Variants in DACH1 observed in about 807,000 individuals in gnomAD.
DACH1 encodes dachshund family transcription factor 1, also known as dachshund homolog 1.
A neutral mutation model predicts 54.2 loss-of-function variants in DACH1; 12 were observed. The observed-to-expected ratio is 0.22, with a 90% CI of 0.14 to 0.36. DACH1 has a LOEUF of 0.36. Among genes scored for constraint, DACH1 ranks in the 10% least tolerant of loss-of-function variants. The pLI, the probability that DACH1 is intolerant of heterozygous loss-of-function variation, is 1.00. For synonymous variants in DACH1, 386 were observed against 366.2 expected (o/e 1.05, Z -0.62); for missense variants, 805 against 929.8 (o/e 0.87, Z 1.75).
rs866669401 is a variant in DACH1 at position 71,693,469 on chromosome 13, A to T, written c.849-11559T>A. Among the ~76,000 whole-genome samples the T allele has an allele frequency of 7.7e-3, 918 of 119,370 alleles. 15 individuals are homozygous for T. The highest frequency in any genetic ancestry group is 0.03 in the African/African-American group (844 of 28,582). The allele number at this position is 119,370 out of a possible 152,430, so 78.3% of individuals were successfully genotyped here. A position where few individuals can be genotyped will look rare whatever the true frequency, so the allele number is the denominator to read the frequency against. On this transcript the variant is annotated intron_variant, in intron 1 of 10. Coordinates refer to ENST00000613252, the MANE Select transcript of DACH1 (RefSeq NM_080759.6). ...AGGTGCTCACCACCACGCCCGGCAAATTTTTTTTTTTTTTTTTTTTTTGTA... is the reference window on the plus strand; with the variant it reads ...AGGTGCTCACCACCACGCCCGGCAATTTTTTTTTTTTTTTTTTTTTTTGTA...
chr13:71,577,842 A>T (rs1409130687), intron 3 of DACH1, among the ~76,000 whole-genome samples: 1 of 152,182 alleles, frequency 6.6e-6, no homozygotes, highest in Admixed American at 6.5e-5. Flanking sequence ...TCTACTAAAA[A>T]CACAATAACA....
intron 3 of DACH1, among the ~76,000 whole-genome samples, chr13:71,605,322 A>C (rs1032190553): frequency 6.6e-6 from 1 of 151,836 alleles, no homozygotes; most frequent in African/African-American, 2.4e-5. Flanking sequence ...CGATACAACT[A>C]ATGTATTGTA....
At chr13:71,674,469 A>T (rs1880421838) in intron 2 of DACH1, among the ~76,000 whole-genome samples, 1 of 151,598 alleles carries the variant, frequency 6.6e-6, no homozygotes, top group Non-Finnish European at 1.5e-5. Context: ...ACACACACAC[A>T]CACACACACA....
At chr13:71,772,725 A>T (rs1885910189) in intron 1 of DACH1, among the ~76,000 whole-genome samples, 1 of 151,766 alleles carries the variant, frequency 6.6e-6, no homozygotes, top group Non-Finnish European at 1.5e-5. Context: ...AAGTTACAAT[A>T]TTCCTTTGTC....
intron 3 of DACH1, among the ~76,000 whole-genome samples, chr13:71,585,192 C>A (rs1026489330): frequency 1.3e-5 from 2 of 150,190 alleles, no homozygotes; most frequent in African/African-American, 4.9e-5. Flanking sequence ...ATTAAAACTA[C>A]AGGGAGGTTG....
intron 3 of DACH1, among the ~76,000 whole-genome samples, chr13:71,574,341 T>C (rs955723417): frequency 6.6e-6 from 1 of 152,140 alleles, no homozygotes; most frequent in Non-Finnish European, 1.5e-5. Context: ...ACTGAATCTG[T>C]TGAAAATACA....
At chr13:71,847,103 G>A (rs968864375) in intron 1 of DACH1, among the ~76,000 whole-genome samples, 3 of 151,952 alleles carry the variant, frequency 2.0e-5, no homozygotes, top group African/African-American at 7.2e-5. Context: ...AATCATATGA[G>A]TATATACATA....
In DACH1 at chr13:71,630,711, G is replaced by A. The variant is rs1877033759; in HGVS notation, c.971C>T (p.Thr324Ile). Residue 324 changes from threonine (T) to isoleucine (I), a missense_variant, in exon 3 of 11, where the codon ACA becomes ATA. Physicochemically the swap from Thr to Ile is moderately conservative, Grantham distance 89. Transcript: ENST00000613252. Reference sequence around the variant, plus strand: ...AGCAGCAGCTGCTGCAGCGGCTGCTGTCAGACCTTAAAAGAATAAATTAAA... The same window carrying A: ...AGCAGCAGCTGCTGCAGCGGCTGCTATCAGACCTTAAAAGAATAAATTAAA... The part of the protein sequence containing the change: ...SPGIIPPTGL[T>I]AAAAAAAAAT... The A allele has an allele frequency of 6.3e-7, 1 of 1,575,564 alleles. No homozygotes were observed. Among genetic ancestry groups the A allele is most frequent in the Non-Finnish European group, 8.6e-7 (1 of 1,169,480 alleles).
intron 7 of DACH1, among the ~76,000 whole-genome samples, chr13:71,484,605 CCTAA>C (rs1365342527): frequency 1.3e-5 from 2 of 152,190 alleles, no homozygotes; most frequent in East Asian, 3.8e-4. Context: ...TAACCTCACT[CCTAA>C]CTAAATTTTA....
intron 2 of DACH1, among the ~76,000 whole-genome samples, chr13:71,647,456 T>A (rs142480911): frequency 1.3e-5 from 2 of 152,316 alleles, no homozygotes; most frequent in African/African-American, 4.8e-5. Flanking sequence ...TATTAAAAAG[T>A]TAGCTACAGC....
chr13:71,809,074 T>A lies in DACH1; in HGVS notation c.848+56848A>T, dbSNP rs1278906560. Among the ~76,000 whole-genome samples, 3 of 152,210 alleles carry A rather than the reference T, an allele frequency of 2.0e-5. No individual in the cohort carries two copies. The East Asian group carries it at 5.8e-4, about 29-fold the overall frequency. ...AATAGGGGAGGAATAAAATGGATGATTGTTACATTTTTAATAAAGTTTTGT... is the reference window on the plus strand; with the variant it reads ...AATAGGGGAGGAATAAAATGGATGAATGTTACATTTTTAATAAAGTTTTGT... On this transcript the variant is annotated intron_variant, in intron 1 of 10. Coordinates refer to ENST00000613252, the MANE Select transcript of DACH1 (RefSeq NM_080759.6).
At chr13:71,545,770 T>C (rs996577838) in intron 6 of DACH1, among the ~76,000 whole-genome samples, 3 of 152,090 alleles carry the variant, frequency 2.0e-5, no homozygotes, top group African/African-American at 7.2e-5. Context: ...GTTTGAAATA[T>C]ATAGCCATCA....
At chr13:71,573,301 C>T in intron 3 of DACH1, 1 of 626,126 alleles carries the variant, frequency 1.6e-6, no homozygotes, top group Non-Finnish European at 2.8e-6. Context: ...TTTTCTTTAA[C>T]TTATCCCAAT....
chr13:71,630,444 C>T, intron 3 of DACH1, 112 bp downstream of exon 3: 1 of 1,431,522 alleles, frequency 7.0e-7, no homozygotes, highest in Non-Finnish European at 9.1e-7. Context: ...TGTTTTCAAG[C>T]TAAAAGTGCC....
At chr13:71,464,441 C>T (rs1876372257) in intron 10 of DACH1, 1 of 283,414 alleles carries the variant, frequency 3.5e-6, no homozygotes, top group East Asian at 9.9e-5. Context: ...ATTATAAAAA[C>T]ATTTAAAACA....
intron 1 of DACH1, among the ~76,000 whole-genome samples, chr13:71,779,171 ATATATACACATATATACGTATATACG>A (rs1210512594): frequency 1.6e-5 from 2 of 124,628 alleles, no homozygotes; most frequent in African/African-American, 3.1e-5. Context: ...ATATACGTAT[ATATATACACATATATACGTATATACG>A]TATATATGTG....
chr13:71,563,237 A>G (rs1337174107), intron 4 of DACH1, among the ~76,000 whole-genome samples: 3 of 152,050 alleles, frequency 2.0e-5, no homozygotes, highest in African/African-American at 7.2e-5. Context: ...ACTCACATCA[A>G]TGCTTATCTA....
intron 10 of DACH1, among the ~76,000 whole-genome samples, chr13:71,467,925 T>C (rs1876736910): frequency 6.6e-6 from 1 of 152,162 alleles, no homozygotes. Flanking sequence ...GACTAATCAA[T>C]AGTCAATATG....
intron 1 of DACH1, among the ~76,000 whole-genome samples, chr13:71,706,471 G>A (rs1882452839): frequency 6.6e-6 from 1 of 151,934 alleles, no homozygotes; most frequent in African/African-American, 2.4e-5. Flanking sequence ...TAATTTCCCA[G>A]TTTGTTTGCT....
Sources: allele counts gnomAD v4.1 joint callset (sites outside exome capture counted in the v4.1 genomes callset), GRCh38; gene constraint gnomAD v4.1.1; transcripts MANE v1.5; gene names NCBI Gene and HGNC (gene_info 2026-07-23, HGNC 2026-07-21).